TFPI: variants seen among roughly 807,000 people sequenced by gnomAD.
TFPI encodes the protein anti-convertin.
In TFPI, 15 loss-of-function variants were observed where a neutral mutation model predicts 34.6. That is an observed-to-expected ratio of 0.43 (90% confidence interval 0.29 to 0.67). The LOEUF (loss-of-function observed/expected upper bound fraction) is 0.67, where lower values mean the gene tolerates loss of function less well. TFPI is among the 30% of genes least tolerant of loss of function. The pLI, the probability that TFPI is intolerant of heterozygous loss-of-function variation, is 0.15. For missense variants in TFPI, 301 were observed against 364.0 expected (o/e 0.83, Z 1.41); for synonymous variants, 105 against 120.1 (o/e 0.87, Z 0.82).
rs553642566 is a variant in TFPI, at chr2:187,508,507, C to T, written c.-2-4737G>A. The stretch of plus-strand genomic sequence containing the variant: ...CCTTGAGCAGTTGTTTCTAGATCTC[C>T]TTGAAGAGGTCCCTCACATCCCTTG... On this transcript the variant is annotated intron_variant, in intron 1 of 7. Coordinates refer to ENST00000233156, the MANE Select transcript of TFPI (RefSeq NM_006287.6). 2.4e-4 allele frequency among the ~76,000 whole-genome samples: 36 copies of T among 152,192 alleles called. No individual in the cohort carries two copies. In the South Asian group the frequency reaches 6.7e-3, roughly 28 times the overall value.
chr2:187,512,408 A>T (rs1183366375), intron 1 of TFPI, among the ~76,000 whole-genome samples: 2 of 152,002 alleles, frequency 1.3e-5, no homozygotes, highest in Non-Finnish European at 2.9e-5. Context: ...TTAACCCAGC[A>T]GGTTTCCTAA....
chr2:187,471,810 T>C (rs1037190546), intron 6 of TFPI, among the ~76,000 whole-genome samples: 9 of 152,090 alleles, frequency 5.9e-5, no homozygotes, highest in African/African-American at 2.2e-4. Context: ...ACTTTGAATC[T>C]TTACTGTGGT....
intron 3 of TFPI, 58 bp from the exon 4 acceptor site, chr2:187,488,433 A>C (rs2106034291): frequency 1.8e-5 from 21 of 1,139,112 alleles, no homozygotes; most frequent in Middle Eastern, 2.1e-4. Context: ...TAATACTATG[A>C]ATTTGAATTT....
intron 1 of TFPI, among the ~76,000 whole-genome samples, chr2:187,543,133 C>A (rs1688671867): frequency 6.6e-6 from 1 of 152,034 alleles, no homozygotes; most frequent in African/African-American, 2.4e-5. Context: ...TGTGTTCTTT[C>A]AATGTTTAGA....
At chr2:187,510,156 G>T (rs567675596) in intron 1 of TFPI, among the ~76,000 whole-genome samples, 83 of 152,266 alleles carry the variant, frequency 5.5e-4, no homozygotes, top group South Asian at 4.3e-3. Context: ...TTAGTTCTGT[G>T]TTCTTCCTGT....
rs577297020 is a variant in TFPI, at chr2:187,478,530, T to C, written c.628+5594A>G. The C allele has an allele frequency of 7.9e-5, 94 of 1,185,762 alleles. No individual in the cohort carries two copies. In the African/African-American group the frequency reaches 1.2e-3, roughly 15 times the overall value. 73.5% of individuals were successfully genotyped at this position (1,185,762 alleles called of 1,614,324 possible). A position where few individuals can be genotyped will look rare whatever the true frequency, so the allele number is the denominator to read the frequency against. ...ACGAACTCCTGAGAATATTCATTTT[T>C]CTTTGCTAGTTAGACATTTACAAGT... On this transcript the variant is annotated intron_variant, in intron 6 of 7. Transcript: ENST00000233156.
intron 1 of TFPI, among the ~76,000 whole-genome samples, chr2:187,538,882 G>A (rs1317359806): frequency 6.6e-6 from 1 of 152,148 alleles, no homozygotes. Flanking sequence ...ATGCAAAAGT[G>A]TGTTTGTAGT....
chr2:187,538,732 A>C (rs147280483), intron 1 of TFPI, among the ~76,000 whole-genome samples: 1 of 152,246 alleles, frequency 6.6e-6, no homozygotes, highest in African/African-American at 2.4e-5. Flanking sequence ...ACTTAAAGTA[A>C]AATTAAAAAA....
At position 187,467,849 on chromosome 2, in the gene TFPI, C is replaced by A. The variant is rs1384221971; in HGVS notation, c.712G>T (p.Val238Phe). 5 of 1,612,724 alleles carry A rather than the reference C, an allele frequency of 3.1e-6. No homozygotes were observed. Among genetic ancestry groups the A allele is most frequent in the Admixed American group, 3.3e-5 (2 of 59,712 alleles). The change falls in exon 7 of 8, where the codon GTC (valine) becomes TTC (phenylalanine). Residue 238 changes from valine (V) to phenylalanine (F), a missense_variant. Coordinates refer to ENST00000233156, the MANE Select transcript of TFPI (RefSeq NM_006287.6). ...ANENRFYYNSVIGKCRPFKYS... is the reference protein window; with the variant it reads ...ANENRFYYNSFIGKCRPFKYS... ...TTAAATGGGCGGCATTTCCCAATGA[C>A]TGAATTGTAGTAGAATCTGTTCTCA...
chr2:187,521,736 T>G (rs888224020), intron 1 of TFPI, among the ~76,000 whole-genome samples: 1 of 151,872 alleles, frequency 6.6e-6, no homozygotes, highest in South Asian at 2.1e-4. Context: ...GCCTGGCTAA[T>G]TTTTGTATTT....
intron 1 of TFPI, among the ~76,000 whole-genome samples, chr2:187,543,038 G>C (rs914119243): frequency 1.6e-4 from 24 of 152,118 alleles, no homozygotes; most frequent in Middle Eastern, 6.3e-3. Flanking sequence ...AAAGAAGCAA[G>C]ACTTTGACAG....
intron 1 of TFPI, among the ~76,000 whole-genome samples, chr2:187,538,564 A>T (rs1437816101): frequency 1.3e-5 from 2 of 152,212 alleles, no homozygotes; most frequent in Non-Finnish European, 2.9e-5. Flanking sequence ...GGAGGGGAAC[A>T]TCACACACCC....
chr2:187,515,356 A>G (rs1017049529), intron 1 of TFPI: 2 of 152,322 alleles, frequency 1.3e-5, no homozygotes, highest in East Asian at 3.9e-4. Context: ...AGTTTGCAAC[A>G]CCCTAAACCC....
chr2:187,534,422 C>G (rs535693317), intron 1 of TFPI, among the ~76,000 whole-genome samples: 1 of 152,132 alleles, frequency 6.6e-6, no homozygotes, highest in Non-Finnish European at 1.5e-5. Flanking sequence ...ATTCCACATT[C>G]TTAAAGAAAA....
chr2:187,475,958 T>G (rs950421653), intron 6 of TFPI, among the ~76,000 whole-genome samples: 2 of 152,190 alleles, frequency 1.3e-5, no homozygotes, highest in Non-Finnish European at 2.9e-5. Context: ...AAGTTGAAGT[T>G]TCCTAAGTTT....
chr2:187,503,869 C>T (rs940694117), intron 1 of TFPI, 99 bp from the exon 2 acceptor site: 9 of 1,338,138 alleles, frequency 6.7e-6, no homozygotes, highest in Non-Finnish European at 9.2e-6. Flanking sequence ...ATGCAAATTT[C>T]TATGCCATTT....
intron 1 of TFPI, among the ~76,000 whole-genome samples, chr2:187,536,454 C>T (rs1347051246): frequency 6.6e-6 from 1 of 152,168 alleles, no homozygotes; most frequent in African/African-American, 2.4e-5. Context: ...AAACTTAATC[C>T]ATCACATAAA....
chr2:187,495,701 TA>T (rs1685431780), intron 3 of TFPI, among the ~76,000 whole-genome samples: 1 of 152,140 alleles, frequency 6.6e-6, no homozygotes, highest in African/African-American at 2.4e-5. Context: ...GGCTGTTTAG[TA>T]AAAGCTATTT....
At chr2:187,478,670 C>T (rs1692559451) in intron 6 of TFPI, 7 of 1,611,616 alleles carry the variant, frequency 4.3e-6, no homozygotes, top group Non-Finnish European at 5.1e-6. Context: ...GCCAAAAGCA[C>T]AAATATTAAC....
Sources: allele counts gnomAD v4.1 joint callset (sites outside exome capture counted in the v4.1 genomes callset), GRCh38; gene constraint gnomAD v4.1.1; transcripts MANE v1.5; gene names NCBI Gene and HGNC (gene_info 2026-07-23, HGNC 2026-07-21).